The following S100A8 variants were observed in gnomAD, a reference collection of about 807,000 sequenced individuals.
The protein encoded by S100A8 is protein S100-A8.
S100A8 carries 1 observed loss-of-function variant against 4.2 expected under a neutral mutation model. That is an observed-to-expected ratio of 0.24 (90% CI 0.08 to 1.12). S100A8 has a LOEUF of 1.12. Ranked by LOEUF, S100A8 falls within the 50% of genes most tolerant of loss-of-function variation. The pLI is 0.53. For synonymous variants in S100A8, 41 were observed against 44.7 expected, an observed-to-expected ratio of 0.92 and a Z score of 0.33; for missense variants, 96 against 111.8, an observed-to-expected ratio of 0.86 and a Z score of 0.64.
chr1:153,393,667 A>C (rs540130301), upstream of S100A8, among the ~76,000 whole-genome samples: 3 of 152,300 alleles, frequency 2.0e-5, no homozygotes, highest in South Asian at 6.2e-4. Flanking sequence ...CCAAGGATCC[A>C]CCCTTGGTTA....
At chr1:153,417,961 A>G in the S100A8 span, 1 of 1,408,996 alleles carries the variant, frequency 7.1e-7, no homozygotes, top group Non-Finnish European at 9.7e-7. Flanking sequence ...CTTCTGCTCC[A>G]TCTTAGGGCT....
chr1:153,415,713 CGGG>C, the S100A8 span, among the ~76,000 whole-genome samples: 1 of 26,346 alleles, frequency 3.8e-5, no homozygotes, highest in African/African-American at 1.2e-4. Flanking sequence ...TTCCATGGGG[CGGG>C]GGGGGCGGGG....
At chr1:153,394,281 G>C (rs771052921), upstream of S100A8, among the ~76,000 whole-genome samples, 1 of 152,180 alleles carries the variant, frequency 6.6e-6, no homozygotes, top group Non-Finnish European at 1.5e-5. Flanking sequence ...GGGCAGGGAG[G>C]GCTCAGGCTG....
At chr1:153,409,021 A>T in the S100A8 span, among the ~76,000 whole-genome samples, 2 of 152,216 alleles carry the variant, frequency 1.3e-5, no homozygotes, top group Non-Finnish European at 2.9e-5. Context: ...CACTACAAAA[A>T]CATGCCAAAC....
the S100A8 span, among the ~76,000 whole-genome samples, chr1:153,400,392 A>C: frequency 2.0e-5 from 3 of 152,058 alleles, no homozygotes; most frequent in African/African-American, 7.2e-5. Context: ...TCACCCCAAC[A>C]CAAGACTTCT....
the S100A8 span, among the ~76,000 whole-genome samples, chr1:153,408,529 T>A: frequency 6.6e-6 from 1 of 152,004 alleles, no homozygotes; most frequent in Non-Finnish European, 1.5e-5. Context: ...AGGAGGAGAA[T>A]GGAACCAAGC....
chr1:153,398,896 A>AT, the S100A8 span, among the ~76,000 whole-genome samples: 1 of 152,212 alleles, frequency 6.6e-6, no homozygotes, highest in East Asian at 1.9e-4. Context: ...CTTTGGGAAC[A>AT]AGCCCAAAGG....
upstream of S100A8, among the ~76,000 whole-genome samples, chr1:153,394,384 A>C (rs1662170136): frequency 6.6e-6 from 1 of 152,186 alleles, no homozygotes; most frequent in African/African-American, 2.4e-5. Context: ...AGAGTGGCCA[A>C]AGTAACTCAG....
At chr1:153,392,235 A>C (rs950976568), upstream of S100A8, among the ~76,000 whole-genome samples, 1 of 152,246 alleles carries the variant, frequency 6.6e-6, no homozygotes. Flanking sequence ...CAATAAGCAT[A>C]TGAAAATTAC....
chr1:153,419,428 AG>A, the S100A8 span: 1 of 1,180,310 alleles, frequency 8.5e-7, no homozygotes, highest in Non-Finnish European at 1.2e-6. Flanking sequence ...TACCAATTCC[AG>A]GTTAACTTTG....
At chr1:153,404,437 A>G in the S100A8 span, among the ~76,000 whole-genome samples, 3 of 152,088 alleles carry the variant, frequency 2.0e-5, no homozygotes, top group African/African-American at 4.8e-5. Context: ...TCATTAGCAC[A>G]CACTCAGCAT....
chr1:153,420,020 T>G, the S100A8 span: 1 of 152,432 alleles, frequency 6.6e-6, no homozygotes, highest in Non-Finnish European at 1.5e-5. Flanking sequence ...ATGCCAGGAC[T>G]GGGTTTCTGG....
the S100A8 span, among the ~76,000 whole-genome samples, chr1:153,408,425 G>GA: frequency 2.0e-5 from 3 of 152,088 alleles, no homozygotes; most frequent in Non-Finnish European, 4.4e-5. Flanking sequence ...GAAGTTTAGA[G>GA]AAAAAAGAGT....
At chr1:153,410,792 G>C in the S100A8 span, among the ~76,000 whole-genome samples, 1 of 152,166 alleles carries the variant, frequency 6.6e-6, no homozygotes, top group African/African-American at 2.4e-5. Context: ...CCGTGATCAA[G>C]TGGGCTTAAT....
chr1:153,418,065 G>A, the S100A8 span: 1 of 1,613,404 alleles, frequency 6.2e-7, no homozygotes, highest in Non-Finnish European at 8.5e-7. Flanking sequence ...ATTTCCTGAA[G>A]GCTTTTTGAA....
At chr1:153,391,994 C>T (rs973889953), upstream of S100A8, among the ~76,000 whole-genome samples, 1 of 152,156 alleles carries the variant, frequency 6.6e-6, no homozygotes, top group Non-Finnish European at 1.5e-5. Flanking sequence ...AACAAATCCT[C>T]TCCCCACCAC....
At chr1:153,399,908 G>A in the S100A8 span, among the ~76,000 whole-genome samples, 1 of 152,204 alleles carries the variant, frequency 6.6e-6, no homozygotes, top group Non-Finnish European at 1.5e-5. Flanking sequence ...TCAGGGGATG[G>A]AGTCCACAGG....
chr1:153,407,723 G>A, the S100A8 span, among the ~76,000 whole-genome samples: 1 of 152,176 alleles, frequency 6.6e-6, no homozygotes, highest in Non-Finnish European at 1.5e-5. Flanking sequence ...CTCCCAGCAG[G>A]GGCCAACTGA....
chr1:153,415,026 G>A, the S100A8 span, among the ~76,000 whole-genome samples: 2,747 of 152,266 alleles, frequency 0.018, 83 homozygotes, highest in African/African-American at 0.063. Context: ...GGTGCACAGT[G>A]TTTGACTTTC....
Sources: allele counts gnomAD v4.1 joint callset (sites outside exome capture counted in the v4.1 genomes callset), GRCh38; gene constraint gnomAD v4.1.1; transcripts MANE v1.5; gene names NCBI Gene and HGNC (gene_info 2026-07-23, HGNC 2026-07-21).